Variants in ATP8A2 observed in about 807,000 individuals in gnomAD.
The protein encoded by ATP8A2 is phospholipid-transporting ATPase IB.
ATP8A2 carries 100 observed loss-of-function variants against 165.6 expected under a neutral mutation model. That is an observed-to-expected ratio of 0.60 (90% CI 0.51 to 0.71). The LOEUF (loss-of-function observed/expected upper bound fraction) is 0.71. Among genes scored for constraint, ATP8A2 ranks in the 30% least tolerant of loss-of-function variants. The pLI, the probability that ATP8A2 is intolerant of heterozygous loss-of-function variation, is 0.00. For missense variants in ATP8A2, 1,227 were observed against 1,479.5 expected (o/e 0.83, Z 2.80); for synonymous variants, 543 against 548.8 (o/e 0.99, Z 0.15).
rs763032745 is a variant in ATP8A2, at chr13:25,903,010, T to TGGGGC, written c.3183+40602_3183+40603insGGGGC. ...GGCAGGGGTTGGGGCACAAAGTAGA[T>TGGGGC]AAAAACTCCTGTCTCGAATCACTTG... On this transcript the variant is annotated intron_variant, in intron 33 of 36. Transcript: ENST00000381655. 3.8e-3 allele frequency among the ~76,000 whole-genome samples: 572 copies of TGGGGC among 150,108 alleles called. 1 individual carries two copies. The highest frequency in any genetic ancestry group is 6.9e-3 in the Non-Finnish European group (469 of 67,684).
At chr13:25,613,565 T>G (rs2040745886) in intron 24 of ATP8A2, among the ~76,000 whole-genome samples, 1 of 152,052 alleles carries the variant, frequency 6.6e-6, no homozygotes, top group Non-Finnish European at 1.5e-5. Flanking sequence ...AGAGCAAGAC[T>G]CCATCTCAAA....
intron 25 of ATP8A2, among the ~76,000 whole-genome samples, chr13:25,754,478 G>T (rs905590062): frequency 3.3e-5 from 5 of 151,928 alleles, no homozygotes; most frequent in Admixed American, 6.6e-5. Context: ...AAGCCAGTCA[G>T]AACTCTCTTT....
intron 23 of ATP8A2, among the ~76,000 whole-genome samples, chr13:25,583,312 A>T (rs985960217): frequency 2.0e-5 from 3 of 152,134 alleles, no homozygotes; most frequent in Non-Finnish European, 2.9e-5. Flanking sequence ...TGCTAAGTTG[A>T]CTGTTACCCT....
At chr13:25,837,371 T>C in intron 29 of ATP8A2, 86 bp downstream of exon 29, 1 of 1,503,990 alleles carries the variant, frequency 6.6e-7, no homozygotes, top group Non-Finnish European at 9.1e-7. Flanking sequence ...TAGTTGAAGC[T>C]TGAGAAAGAA....
At chr13:25,853,800 G>T (rs1364026066) in intron 30 of ATP8A2, among the ~76,000 whole-genome samples, 1 of 152,178 alleles carries the variant, frequency 6.6e-6, no homozygotes, top group Non-Finnish European at 1.5e-5. Flanking sequence ...GGAGGGAGAA[G>T]ATCTGAGACT....
intron 35 of ATP8A2, among the ~76,000 whole-genome samples, chr13:25,988,212 C>T (rs764835711): frequency 1.3e-5 from 2 of 152,372 alleles, no homozygotes; most frequent in Non-Finnish European, 1.5e-5. Context: ...CAGCCTCAGC[C>T]GCTGGGGTCC....
chr13:25,886,744 ACT>A (rs1953171927), intron 33 of ATP8A2, among the ~76,000 whole-genome samples: 1 of 152,124 alleles, frequency 6.6e-6, no homozygotes, highest in African/African-American at 2.4e-5. Context: ...AACAGCTGAG[ACT>A]CAGGGCCTTC....
intron 1 of ATP8A2, among the ~76,000 whole-genome samples, chr13:25,388,535 C>T (rs761498819): frequency 4.1e-4 from 62 of 152,210 alleles, no homozygotes; most frequent in South Asian, 1.0e-3. Context: ...CTGGGGGCTG[C>T]GCGCACTGGT....
At chr13:25,994,662 G>A (rs189340666) in intron 35 of ATP8A2, among the ~76,000 whole-genome samples, 5 of 152,042 alleles carry the variant, frequency 3.3e-5, no homozygotes, top group Admixed American at 3.3e-4. Flanking sequence ...TTTCTCTTTA[G>A]CCTGTTAACA....
At chr13:25,699,898 C>CTA (rs1258973513) in intron 25 of ATP8A2, among the ~76,000 whole-genome samples, 1 of 143,352 alleles carries the variant, frequency 7.0e-6, no homozygotes, top group Admixed American at 7.4e-5. Flanking sequence ...TGGCTGCTGG[C>CTA]TATGTGGAGG....
chr13:25,399,650 C>A (rs1444427779), intron 1 of ATP8A2, among the ~76,000 whole-genome samples: 1 of 149,720 alleles, frequency 6.7e-6, no homozygotes, highest in African/African-American at 2.5e-5. Context: ...GATCCGCCCG[C>A]CTCGGCCTCC....
chr13:25,915,700 A>T (rs1435386639), intron 33 of ATP8A2, among the ~76,000 whole-genome samples: 1 of 152,186 alleles, frequency 6.6e-6, no homozygotes, highest in African/African-American at 2.4e-5. Flanking sequence ...GTGAGGCAGA[A>T]CTGACTCCAG....
At chr13:25,727,762 C>T (rs980630434) in intron 25 of ATP8A2, among the ~76,000 whole-genome samples, 1 of 152,128 alleles carries the variant, frequency 6.6e-6, no homozygotes, top group Admixed American at 6.5e-5. Flanking sequence ...CCTTTCATTT[C>T]CTCAAGTATG....
chr13:25,558,184 G>A (rs2039037429), intron 13 of ATP8A2, among the ~76,000 whole-genome samples: 1 of 152,228 alleles, frequency 6.6e-6, no homozygotes, highest in East Asian at 1.9e-4. Flanking sequence ...TTACAGGTGT[G>A]AGCCTCTGCA....
chr13:25,989,038 G>A (rs1956329342), intron 35 of ATP8A2, among the ~76,000 whole-genome samples: 1 of 152,232 alleles, frequency 6.6e-6, no homozygotes, highest in African/African-American at 2.4e-5. Context: ...AGGTCAGCCT[G>A]TGCCAAGCAC....
chr13:25,883,454 T>C (rs922165457), intron 33 of ATP8A2, among the ~76,000 whole-genome samples: 1 of 152,174 alleles, frequency 6.6e-6, no homozygotes, highest in African/African-American at 2.4e-5. Context: ...ACTTGTGTTA[T>C]GATTACAAAC....
chr13:25,439,937 A>T (rs1314336833), intron 1 of ATP8A2, among the ~76,000 whole-genome samples: 1 of 152,072 alleles, frequency 6.6e-6, no homozygotes, highest in East Asian at 1.9e-4. Flanking sequence ...GTTAACCAAA[A>T]GTTATCATAT....
chr13:25,493,820 G>T (rs1429332532), intron 2 of ATP8A2, among the ~76,000 whole-genome samples: 1 of 152,086 alleles, frequency 6.6e-6, no homozygotes, highest in Admixed American at 6.6e-5. Context: ...GGAGTGTGGA[G>T]GGGAGGTGGC....
intron 25 of ATP8A2, among the ~76,000 whole-genome samples, chr13:25,762,038 G>C (rs374324260): frequency 1.3e-5 from 2 of 151,948 alleles, no homozygotes; most frequent in African/African-American, 4.8e-5. Context: ...GAGGCAGGCA[G>C]ATCACCTGAG....
Sources: allele counts gnomAD v4.1 joint callset (sites outside exome capture counted in the v4.1 genomes callset), GRCh38; gene constraint gnomAD v4.1.1; transcripts MANE v1.5; gene names NCBI Gene and HGNC (gene_info 2026-07-23, HGNC 2026-07-21).